TASP1: variants seen among roughly 807,000 people sequenced by gnomAD.
The protein encoded by TASP1 is threonine aspartase 1.
A neutral mutation model predicts 56.6 loss-of-function variants in TASP1; 16 were observed. That is an observed-to-expected ratio of 0.28 (90% CI 0.19 to 0.43). The LOEUF is 0.43. TASP1 is among the 20% of genes least tolerant of loss of function. TASP1 has a pLI of 1.00. For missense variants in TASP1, 393 were observed against 511.6 expected, an observed-to-expected ratio of 0.77 and a Z score of 2.24; for synonymous variants, 179 against 184.2, an observed-to-expected ratio of 0.97 and a Z score of 0.23.
intron 11 of TASP1, among the ~76,000 whole-genome samples, chr20:13,441,913 C>T (rs1320592547): frequency 2.0e-5 from 3 of 152,152 alleles, no homozygotes; most frequent in Non-Finnish European, 4.4e-5. Flanking sequence ...AAGAGATATG[C>T]ATCCCAGCCA....
chr20:13,559,607 C>CA (rs2046275024), intron 7 of TASP1, among the ~76,000 whole-genome samples: 1 of 152,138 alleles, frequency 6.6e-6, no homozygotes, highest in South Asian at 2.1e-4. Context: ...TTGCAAATCT[C>CA]AGCTTTGGTT....
the TASP1 span, among the ~76,000 whole-genome samples, chr20:13,254,787 T>C: frequency 6.6e-6 from 1 of 152,216 alleles, no homozygotes; most frequent in Non-Finnish European, 1.5e-5. Context: ...CAGAGCTTCT[T>C]CTCATCCTTC....
In TASP1 at chr20:13,616,625, G is replaced by T. The variant is rs181555940; in HGVS notation, c.282+6821C>A. 1.6e-3 allele frequency among the ~76,000 whole-genome samples: 234 copies of T among 150,176 alleles called. 1 individual carries two copies. The highest frequency in any genetic ancestry group is 5.3e-3 in the African/African-American group (213 of 40,272). ...AATCTAGAATGTAATCATTGATTCC[G>T]TTTTCTTTTTATTCTTTAAAAAAAA... is the stretch of plus-strand genomic sequence containing the variant. On this transcript the variant is annotated intron_variant, in intron 4 of 13. Coordinates refer to ENST00000337743, the MANE Select transcript of TASP1 (RefSeq NM_017714.3).
the TASP1 span, chr20:13,126,451 G>T: frequency 1.0e-6 from 1 of 974,634 alleles, no homozygotes. Context: ...GAAAACCATT[G>T]AAAGTTGGAC....
chr20:13,391,509 T>C (rs1459514545), intron 13 of TASP1, among the ~76,000 whole-genome samples: 1 of 152,170 alleles, frequency 6.6e-6, no homozygotes, highest in East Asian at 1.9e-4. Context: ...TACTGAAACA[T>C]GGTGAGTCTC....
the TASP1 span, chr20:13,117,618 C>A: frequency 6.2e-7 from 1 of 1,614,028 alleles, no homozygotes; most frequent in Non-Finnish European, 8.5e-7. Flanking sequence ...CCCAACCGGC[C>A]GGGGTGTCAC....
the TASP1 span, among the ~76,000 whole-genome samples, chr20:13,367,016 A>T: frequency 2.8e-4 from 42 of 152,346 alleles, no homozygotes; most frequent in South Asian, 8.5e-3. Flanking sequence ...ATTGTAGCTA[A>T]TCATTTAGTA....
At chr20:13,145,203 C>T in the TASP1 span, among the ~76,000 whole-genome samples, 1 of 152,166 alleles carries the variant, frequency 6.6e-6, no homozygotes, top group African/African-American at 2.4e-5. Flanking sequence ...GTCAAACTAT[C>T]TCTGCAGACA....
At chr20:13,238,441 A>G in the TASP1 span, among the ~76,000 whole-genome samples, 188 of 152,246 alleles carry the variant, frequency 1.2e-3, no homozygotes, top group South Asian at 0.012. Flanking sequence ...TCAGTAGGGT[A>G]AACATTTTTT....
chr20:13,332,860 T>TTTG, the TASP1 span, among the ~76,000 whole-genome samples: 1 of 152,216 alleles, frequency 6.6e-6, no homozygotes, highest in Non-Finnish European at 1.5e-5. Context: ...GTTTGGCCTT[T>TTTG]GGGGCTGTCA....
chr20:13,420,787 G>A (rs932866943), intron 12 of TASP1, among the ~76,000 whole-genome samples: 1 of 152,138 alleles, frequency 6.6e-6, no homozygotes, highest in Non-Finnish European at 1.5e-5. Flanking sequence ...AAGCAGTACG[G>A]TTTAAGTCAT....
At chr20:13,292,275 A>G in the TASP1 span, 2 of 737,356 alleles carry the variant, frequency 2.7e-6, no homozygotes, top group Non-Finnish European at 4.6e-6. Context: ...TGAATACAAA[A>G]AAGGCTTTGT....
the TASP1 span, chr20:13,300,131 C>G: frequency 6.6e-6 from 1 of 152,052 alleles, no homozygotes; most frequent in Non-Finnish European, 1.5e-5. Context: ...ATTTTAGGGA[C>G]AAAGCTGAGG....
At chr20:13,299,116 C>T in the TASP1 span, 2 of 1,613,368 alleles carry the variant, frequency 1.2e-6, no homozygotes, top group East Asian at 4.5e-5. This position sits in a 1 kb window ranked among gnomAD's most constrained non-coding sequence, Gnocchi z 5.8. Context: ...TGGAAGGACG[C>T]CAGCGGGCCC....
At chr20:13,324,137 C>A in the TASP1 span, among the ~76,000 whole-genome samples, 1 of 152,202 alleles carries the variant, frequency 6.6e-6, no homozygotes. Context: ...TGGGACCTAG[C>A]TGTGAAATCA....
chr20:13,393,221 C>T, intron 13 of TASP1: 1 of 727,552 alleles, frequency 1.4e-6, no homozygotes. Context: ...CTATCACTGC[C>T]ACCCAGAAGA....
the TASP1 span, among the ~76,000 whole-genome samples, chr20:13,339,289 A>C: frequency 6.6e-6 from 1 of 152,140 alleles, no homozygotes; most frequent in Non-Finnish European, 1.5e-5. Flanking sequence ...CTTTCTTTTG[A>C]TCTCCAGTGA....
the TASP1 span, chr20:13,110,171 C>A: frequency 6.2e-7 from 1 of 1,613,618 alleles, no homozygotes; most frequent in Non-Finnish European, 8.5e-7. Context: ...GCCTCGAACC[C>A]GCAGAGCTTG....
the TASP1 span, among the ~76,000 whole-genome samples, chr20:13,235,164 A>G: frequency 3.6e-3 from 543 of 152,322 alleles, 6 homozygotes; most frequent in African/African-American, 0.012. Context: ...CAGTAGATCT[A>G]GGCAGGGCAT....
Sources: gnomAD v4.1 joint callset for allele counts (sites outside exome capture counted in the v4.1 genomes callset) on GRCh38, gnomAD v4.1.1 for gene constraint, Gnocchi (gnomAD v3.1) non-coding constraint, MANE v1.5 for transcripts, NCBI Gene and HGNC (gene_info 2026-07-23, HGNC 2026-07-21) for gene names.